GSG1L: variants seen among roughly 807,000 people sequenced by gnomAD.
GSG1L encodes GSG1 like.
In GSG1L, 24 loss-of-function variants were observed where a neutral mutation model predicts 42.1. The ratio of observed to expected loss-of-function variants is 0.57; its 90% CI spans 0.41 to 0.80. The LOEUF is 0.80. GSG1L is among the 30% of genes least tolerant of loss of function. The pLI is 0.00. For synonymous variants in GSG1L, 215 were observed against 203.5 expected (o/e 1.06, Z -0.48); for missense variants, 445 against 472.2 (o/e 0.94, Z 0.53).
intron 3 of GSG1L, among the ~76,000 whole-genome samples, chr16:27,853,153 T>A (rs1229673078): frequency 6.6e-6 from 1 of 152,118 alleles, no homozygotes; most frequent in East Asian, 1.9e-4. Flanking sequence ...AAAAAATAAA[T>A]CTCTTATCTG....
At chr16:28,062,352 T>C (rs1044885170) in intron 1 of GSG1L, among the ~76,000 whole-genome samples, 3 of 152,148 alleles carry the variant, frequency 2.0e-5, no homozygotes, top group Non-Finnish European at 4.4e-5. Flanking sequence ...CCGAACCTAA[T>C]AGGAGCCTTG....
At chr16:27,849,555 T>C (rs371537581) in intron 3 of GSG1L, among the ~76,000 whole-genome samples, 33 of 152,312 alleles carry the variant, frequency 2.2e-4, no homozygotes, top group Middle Eastern at 3.4e-3. Context: ...TGTTTTGTTT[T>C]GAGACAGAGT....
chr16:27,803,769 A>ATATATC (rs2082911769), intron 6 of GSG1L, among the ~76,000 whole-genome samples: 1 of 13,602 alleles, frequency 7.4e-5, no homozygotes, highest in Non-Finnish European at 1.3e-4. Context: ...GTGCAGACAT[A>ATATATC]TATATATATA....
At chr16:27,850,540 T>C (rs1451550284) in intron 3 of GSG1L, 2 of 455,612 alleles carry the variant, frequency 4.4e-6, no homozygotes, top group African/African-American at 2.0e-5. Flanking sequence ...ACATCTGATA[T>C]TAAGCAGAGC....
At chr16:27,919,565 G>A (rs1054990991) in intron 2 of GSG1L, among the ~76,000 whole-genome samples, 1 of 152,142 alleles carries the variant, frequency 6.6e-6, no homozygotes, top group Non-Finnish European at 1.5e-5. Context: ...CATTTTTTCA[G>A]CAAATGCAGC....
chr16:27,971,966 G>A (rs186958705), intron 1 of GSG1L, among the ~76,000 whole-genome samples: 120 of 152,264 alleles, frequency 7.9e-4, no homozygotes, highest in Non-Finnish European at 4.3e-4. Flanking sequence ...AGACCACACA[G>A]CCAGTAAGAA....
chr16:27,948,154 A>G (rs1175756232), intron 2 of GSG1L, among the ~76,000 whole-genome samples: 1 of 152,158 alleles, frequency 6.6e-6, no homozygotes, highest in Non-Finnish European at 1.5e-5. Flanking sequence ...AAAATGGCAA[A>G]GGCTAGGACT....
intron 1 of GSG1L, among the ~76,000 whole-genome samples, chr16:28,062,582 G>C (rs917238361): frequency 6.6e-6 from 1 of 152,190 alleles, no homozygotes; most frequent in Admixed American, 6.5e-5. Flanking sequence ...GATGGGGGTG[G>C]AAGGCTCCCG....
chr16:27,938,026 C>A (rs534864756), intron 2 of GSG1L, among the ~76,000 whole-genome samples: 1 of 151,798 alleles, frequency 6.6e-6, no homozygotes, highest in African/African-American at 2.4e-5. Flanking sequence ...GTCTCCTTTT[C>A]AAAAAAAATC....
chr16:27,855,719 CA>C (rs397686463), intron 3 of GSG1L, among the ~76,000 whole-genome samples: 6,397 of 61,704 alleles, frequency 0.1, 100 homozygotes, highest in Non-Finnish European at 0.14. Flanking sequence ...GACTCAGTCT[CA>C]AAAAAAAAAA....
At chr16:28,050,195 TAAG>T (rs2086206841) in intron 1 of GSG1L, among the ~76,000 whole-genome samples, 1 of 152,012 alleles carries the variant, frequency 6.6e-6, no homozygotes, top group Non-Finnish European at 1.5e-5. Context: ...TTTTTTTTTT[TAAG>T]AGTCAAGGTC....
chr16:28,058,916 A>G (rs534319374), intron 1 of GSG1L, among the ~76,000 whole-genome samples: 7 of 152,302 alleles, frequency 4.6e-5, no homozygotes, highest in African/African-American at 1.7e-4. Flanking sequence ...GAATGACAGG[A>G]GGGCAGTCAG....
intron 2 of GSG1L, among the ~76,000 whole-genome samples, chr16:27,888,503 CTTTCTTTCT>C (rs2084075232): frequency 1.2e-4 from 1 of 8,156 alleles, no homozygotes; most frequent in African/African-American, 3.5e-4. Flanking sequence ...TTCTTTCTTT[CTTTCTTTCT>C]TTCTTTCTTT....
At chr16:27,815,538 T>C (rs1200120819) in intron 5 of GSG1L, among the ~76,000 whole-genome samples, 1 of 152,120 alleles carries the variant, frequency 6.6e-6, no homozygotes, top group African/African-American at 2.4e-5. Flanking sequence ...TAAATCTAAA[T>C]AAGGTCCTTG....
intron 2 of GSG1L, among the ~76,000 whole-genome samples, chr16:27,947,597 GAA>G (rs760361295): frequency 0.12 from 12,916 of 108,286 alleles, 911 homozygotes; most frequent in African/African-American, 0.21. Flanking sequence ...AAGAAAGAAA[GAA>G]AAAGAAAGAA....
At chr16:27,939,745 G>A (rs1266579324) in intron 2 of GSG1L, among the ~76,000 whole-genome samples, 1 of 152,210 alleles carries the variant, frequency 6.6e-6, no homozygotes, top group African/African-American at 2.4e-5. Context: ...GACCGAGGAA[G>A]GGATGTCAGA....
At chr16:27,816,243 C>T (rs1292036093) in intron 5 of GSG1L, among the ~76,000 whole-genome samples, 4 of 152,182 alleles carry the variant, frequency 2.6e-5, no homozygotes, top group Non-Finnish European at 5.9e-5. Flanking sequence ...TTAGAGCTGT[C>T]GCTGTCATTG....
In GSG1L at chr16:27,864,929, G is replaced by T. The variant is rs552528243; in HGVS notation, c.550+19557C>A. On this transcript the variant is annotated intron_variant, in intron 3 of 6. Coordinates refer to ENST00000447459, the MANE Select transcript of GSG1L (RefSeq NM_001109763.2). ...CCTTCATCTGAAAACATTCACAGAG[G>T]CTCCCACTGAGTCCTACCGGGCTCC... Among the ~76,000 whole-genome samples the T allele has an allele frequency of 2.0e-5, 3 of 152,244 alleles. No homozygotes were observed. The East Asian group carries it at 5.8e-4, about 29-fold the overall frequency.
intron 2 of GSG1L, among the ~76,000 whole-genome samples, chr16:27,952,373 G>C (rs1413358686): frequency 6.6e-6 from 1 of 152,204 alleles, no homozygotes. Context: ...AGGTTCCTCT[G>C]GGGGTTTAGG....
Sources: gnomAD v4.1 joint callset for allele counts (sites outside exome capture counted in the v4.1 genomes callset) on GRCh38, gnomAD v4.1.1 for gene constraint, MANE v1.5 for transcripts, NCBI Gene and HGNC (gene_info 2026-07-23, HGNC 2026-07-21) for gene names.